The following ST6GALNAC3 variants were observed in gnomAD, a reference collection of about 807,000 sequenced individuals.
The protein encoded by ST6GALNAC3 is alpha-N-acetylgalactosaminide alpha-2,6-sialyltransferase 3.
ST6GALNAC3 carries 25 observed loss-of-function variants against 32.7 expected under a neutral mutation model. That is an observed-to-expected ratio of 0.76 (90% confidence interval 0.56 to 1.07). The LOEUF (loss-of-function observed/expected upper bound fraction) is 1.07. Among genes scored for constraint, ST6GALNAC3 ranks in the 50% least tolerant of loss-of-function variants. The probability of loss-of-function intolerance (pLI) is 0.00; values close to 1 mark genes in which losing one functional copy is unlikely to be tolerated. For synonymous variants in ST6GALNAC3, 129 were observed against 133.1 expected (o/e 0.97, Z 0.21); for missense variants, 355 against 382.4 (o/e 0.93, Z 0.60).
chr1:76,105,672 C>A (rs1647474056), intron 1 of ST6GALNAC3, among the ~76,000 whole-genome samples: 1 of 152,150 alleles, frequency 6.6e-6, no homozygotes, highest in Non-Finnish European at 1.5e-5. Flanking sequence ...TGTGATGATA[C>A]AATGTGGTAT....
chr1:76,581,581 G>C (rs1001447115), intron 3 of ST6GALNAC3, among the ~76,000 whole-genome samples: 2 of 152,062 alleles, frequency 1.3e-5, no homozygotes, highest in Non-Finnish European at 2.9e-5. Flanking sequence ...CATTTTTACT[G>C]TACTCACTCC....
At chr1:76,240,310 A>G (rs149809527) in intron 1 of ST6GALNAC3, among the ~76,000 whole-genome samples, 16 of 152,340 alleles carry the variant, frequency 1.1e-4, no homozygotes, top group African/African-American at 3.6e-4. Flanking sequence ...TCAGGTCTCT[A>G]TAAAGTTTCT....
At chr1:76,477,131 G>A (rs2101642818) in intron 3 of ST6GALNAC3, among the ~76,000 whole-genome samples, 1 of 152,062 alleles carries the variant, frequency 6.6e-6, no homozygotes, top group South Asian at 2.1e-4. Flanking sequence ...CAAAGATAAA[G>A]AAAAAGAAGA....
intron 3 of ST6GALNAC3, among the ~76,000 whole-genome samples, chr1:76,596,054 C>T (rs560644801): frequency 8.5e-5 from 13 of 152,178 alleles, no homozygotes; most frequent in East Asian, 1.9e-4. Context: ...GACTATAATG[C>T]GCGGCCAAGG....
At chr1:76,192,974 A>T (rs1445030819) in intron 1 of ST6GALNAC3, among the ~76,000 whole-genome samples, 1 of 152,028 alleles carries the variant, frequency 6.6e-6, no homozygotes, top group African/African-American at 2.4e-5. Context: ...CCAGAAGGTA[A>T]TTCTACTTCT....
At chr1:76,383,720 G>A (rs1651890942) in intron 2 of ST6GALNAC3, among the ~76,000 whole-genome samples, 1 of 152,182 alleles carries the variant, frequency 6.6e-6, no homozygotes, top group South Asian at 2.1e-4. Flanking sequence ...AAGTAATAAT[G>A]TCTAGTAAGA....
chr1:76,549,335 A>G (rs142674850), intron 3 of ST6GALNAC3, among the ~76,000 whole-genome samples: 36 of 152,096 alleles, frequency 2.4e-4, no homozygotes, highest in African/African-American at 8.4e-4. Flanking sequence ...CCTGAATTTG[A>G]GTTTACCAGT....
At chr1:76,246,313 A>G (rs1399193383) in intron 1 of ST6GALNAC3, among the ~76,000 whole-genome samples, 1 of 152,092 alleles carries the variant, frequency 6.6e-6, no homozygotes, top group Non-Finnish European at 1.5e-5. Context: ...CTTTGCACGT[A>G]AGATTGGTCT....
chr1:76,599,130 T>C (rs1486113273), intron 3 of ST6GALNAC3, among the ~76,000 whole-genome samples: 1 of 152,184 alleles, frequency 6.6e-6, no homozygotes, highest in Non-Finnish European at 1.5e-5. Flanking sequence ...CCATTAATAC[T>C]TCTCATTTAT....
At chr1:76,463,453 G>C (rs767834397) in intron 3 of ST6GALNAC3, among the ~76,000 whole-genome samples, 1 of 152,038 alleles carries the variant, frequency 6.6e-6, no homozygotes, top group Non-Finnish European at 1.5e-5. Flanking sequence ...GTCTATTTTC[G>C]TATTTCTCTA....
At chr1:76,356,089 T>C (rs1649418079) in intron 2 of ST6GALNAC3, among the ~76,000 whole-genome samples, 1 of 152,174 alleles carries the variant, frequency 6.6e-6, no homozygotes, top group African/African-American at 2.4e-5. Context: ...AATATTCTGG[T>C]TCCGTTCTTG....
chr1:76,301,995 G>C (rs182356445), intron 1 of ST6GALNAC3, among the ~76,000 whole-genome samples: 1 of 152,080 alleles, frequency 6.6e-6, no homozygotes, highest in East Asian at 1.9e-4. Flanking sequence ...TGGGCTGAGG[G>C]ATAATCATTT....
chr1:76,128,207 C>G (rs1649383538), intron 1 of ST6GALNAC3, among the ~76,000 whole-genome samples: 1 of 152,118 alleles, frequency 6.6e-6, no homozygotes, highest in Admixed American at 6.5e-5. Context: ...GCTTTATTCA[C>G]AGAAAGGAGA....
chr1:76,094,083 A>G (rs958966027), intron 1 of ST6GALNAC3, among the ~76,000 whole-genome samples: 3 of 152,192 alleles, frequency 2.0e-5, no homozygotes, highest in African/African-American at 7.2e-5. Flanking sequence ...ACTGCAGGGC[A>G]ACTGACGTTC....
At chr1:76,585,521 A>G (rs1313930727) in intron 3 of ST6GALNAC3, among the ~76,000 whole-genome samples, 1 of 152,204 alleles carries the variant, frequency 6.6e-6, no homozygotes, top group Admixed American at 6.5e-5. Context: ...GCCTAAGCGC[A>G]GACACCACCT....
chr1:76,371,782 A>T (rs1044351035), intron 2 of ST6GALNAC3, among the ~76,000 whole-genome samples: 3 of 152,172 alleles, frequency 2.0e-5, no homozygotes, highest in Admixed American at 1.3e-4. Flanking sequence ...ATGAAATGCA[A>T]ATTCAGTCTT....
chr1:76,503,345 G>A (rs140512042), intron 3 of ST6GALNAC3, among the ~76,000 whole-genome samples: 3 of 152,340 alleles, frequency 2.0e-5, no homozygotes, highest in South Asian at 4.1e-4. Flanking sequence ...CCGCAGTCAG[G>A]CAGGAAGAAC....
intron 1 of ST6GALNAC3, among the ~76,000 whole-genome samples, chr1:76,109,447 C>T (rs1425581071): frequency 1.3e-5 from 2 of 152,208 alleles, no homozygotes; most frequent in Non-Finnish European, 2.9e-5. Context: ...CAAAGGGGCT[C>T]ATTGTCTACA....
intron 3 of ST6GALNAC3, among the ~76,000 whole-genome samples, chr1:76,543,303 G>T (rs1254153462): frequency 1.3e-5 from 2 of 152,088 alleles, no homozygotes; most frequent in Non-Finnish European, 2.9e-5. Flanking sequence ...TCAATAAATT[G>T]TTCAATATAA....
Sources: allele counts gnomAD v4.1 joint callset (sites outside exome capture counted in the v4.1 genomes callset), GRCh38; gene constraint gnomAD v4.1.1; transcripts MANE v1.5; gene names NCBI Gene and HGNC (gene_info 2026-07-23, HGNC 2026-07-21).